The following SAMD5 variants were observed in gnomAD, a reference collection of about 807,000 sequenced individuals.
The protein encoded by SAMD5 is sterile alpha motif domain-containing protein 5.
Under a neutral mutation model 11.3 loss-of-function variants are expected in SAMD5, and 13 were observed. That is an observed-to-expected ratio of 1.15 (90% CI 0.75 to 1.83). SAMD5 has a LOEUF of 1.83. Ranked by LOEUF, SAMD5 falls within the 40% of genes most tolerant of loss-of-function variation. The pLI is 0.00. For missense variants in SAMD5, 255 were observed against 239.1 expected, an observed-to-expected ratio of 1.07 and a Z score of -0.44; for synonymous variants, 129 against 111.3, an observed-to-expected ratio of 1.16 and a Z score of -1.00.
At chr6:147,828,313 C>T in the SAMD5 span, among the ~76,000 whole-genome samples, 1 of 152,156 alleles carries the variant, frequency 6.6e-6, no homozygotes, top group African/African-American at 2.4e-5. Flanking sequence ...AACCTTGGCC[C>T]TGCCCTTGCA....
chr6:147,636,176 T>C (rs1790228023), intron 1 of SAMD5, among the ~76,000 whole-genome samples: 2 of 152,278 alleles, frequency 1.3e-5, no homozygotes, highest in Middle Eastern at 3.4e-3. Flanking sequence ...TAAAATCTGG[T>C]AAGTGCCCTA....
At chr6:147,934,001 C>A in the SAMD5 span, among the ~76,000 whole-genome samples, 1 of 152,148 alleles carries the variant, frequency 6.6e-6, no homozygotes, top group South Asian at 2.1e-4. Context: ...CTGGGCACGT[C>A]CTAATATAAG....
At chr6:147,601,483 T>TA (rs5880715) in intron 1 of SAMD5, among the ~76,000 whole-genome samples, 12,144 of 150,206 alleles carry the variant, frequency 0.081, 797 homozygotes, top group East Asian at 0.29. Flanking sequence ...ACTTGTGATT[T>TA]AAAAAAAAAA....
chr6:147,772,398 G>T, the SAMD5 span, among the ~76,000 whole-genome samples: 2 of 151,934 alleles, frequency 1.3e-5, no homozygotes, highest in Non-Finnish European at 2.9e-5. Flanking sequence ...ACATTTAAAT[G>T]CCTGAGCTCT....
At chr6:147,879,145 G>A in the SAMD5 span, among the ~76,000 whole-genome samples, 3 of 152,326 alleles carry the variant, frequency 2.0e-5, no homozygotes, top group South Asian at 6.2e-4. Flanking sequence ...GTAGAGTCAG[G>A]ACTGTTACTG....
At chr6:147,772,440 T>C in the SAMD5 span, among the ~76,000 whole-genome samples, 1 of 152,118 alleles carries the variant, frequency 6.6e-6, no homozygotes, top group Non-Finnish European at 1.5e-5. Context: ...TTTCAGGCTA[T>C]TAAATTTTCT....
At chr6:147,869,373 A>G in the SAMD5 span, among the ~76,000 whole-genome samples, 1 of 152,190 alleles carries the variant, frequency 6.6e-6, no homozygotes, top group African/African-American at 2.4e-5. Context: ...AAATGGGCAT[A>G]GATTTCAGGT....
the SAMD5 span, among the ~76,000 whole-genome samples, chr6:147,943,794 C>T: frequency 6.6e-6 from 1 of 152,162 alleles, no homozygotes; most frequent in East Asian, 1.9e-4. Context: ...TGCCCTCTCA[C>T]CTGCACCCCA....
At chr6:147,884,816 A>T in the SAMD5 span, among the ~76,000 whole-genome samples, 187 of 152,304 alleles carry the variant, frequency 1.2e-3, no homozygotes, top group African/African-American at 4.3e-3. Context: ...GAATTGAATG[A>T]CAGCACCTAA....
chr6:147,931,021 T>A, the SAMD5 span, among the ~76,000 whole-genome samples: 2 of 152,138 alleles, frequency 1.3e-5, no homozygotes, highest in Non-Finnish European at 2.9e-5. Flanking sequence ...TCCAGTCAAG[T>A]TGACAGCTAA....
chr6:147,831,880 A>G, the SAMD5 span, among the ~76,000 whole-genome samples: 105 of 152,328 alleles, frequency 6.9e-4, 3 homozygotes, highest in East Asian at 0.019. Flanking sequence ...TTGATTTGGT[A>G]GAATATCTGG....
intron 1 of SAMD5, among the ~76,000 whole-genome samples, chr6:147,621,870 C>T (rs1363945782): frequency 6.6e-6 from 1 of 151,918 alleles, no homozygotes; most frequent in African/African-American, 2.4e-5. Flanking sequence ...AGCCATGTGT[C>T]TTCAGCCTGT....
intron 1 of SAMD5, among the ~76,000 whole-genome samples, chr6:147,587,982 G>A (rs1038825918): frequency 2.7e-4 from 41 of 152,252 alleles, no homozygotes; most frequent in Non-Finnish European, 4.6e-4. Context: ...ATATGTCGTG[G>A]ATCTACTGTT....
At chr6:147,947,991 TC>T in the SAMD5 span, among the ~76,000 whole-genome samples, 1 of 151,960 alleles carries the variant, frequency 6.6e-6, no homozygotes, top group East Asian at 1.9e-4. Context: ...TCTGTTCTCC[TC>T]CTCCTGTGTC....
At chr6:147,691,660 C>T (rs899859413) in intron 1 of SAMD5, among the ~76,000 whole-genome samples, 3 of 152,142 alleles carry the variant, frequency 2.0e-5, no homozygotes, top group Admixed American at 6.5e-5. Context: ...GGCAGAAAGC[C>T]ACCAAAGCAA....
intron 1 of SAMD5, among the ~76,000 whole-genome samples, chr6:147,669,420 C>CTTTTTTTT (rs55877273): frequency 4.0e-5 from 3 of 74,516 alleles, no homozygotes; most frequent in African/African-American, 5.3e-5. Flanking sequence ...AGCTCCACTT[C>CTTTTTTTT]TTTTTTTTTT....
chr6:147,572,048 T>G (rs1789145558), downstream of SAMD5, among the ~76,000 whole-genome samples: 1 of 152,094 alleles, frequency 6.6e-6, no homozygotes, highest in Non-Finnish European at 1.5e-5. Flanking sequence ...ACTGGGTTTG[T>G]TCCCCACTTG....
intron 1 of SAMD5, among the ~76,000 whole-genome samples, chr6:147,688,111 G>T (rs1791044871): frequency 6.7e-6 from 1 of 148,262 alleles, no homozygotes; most frequent in African/African-American, 2.5e-5. Flanking sequence ...TGTCATTTTT[G>T]ACTCTTATTT....
At chr6:147,904,219 CA>C in the SAMD5 span, among the ~76,000 whole-genome samples, 6 of 152,190 alleles carry the variant, frequency 3.9e-5, no homozygotes, top group Non-Finnish European at 8.8e-5. Flanking sequence ...CTGCATTTAA[CA>C]GCCTCCTACG....
Sources: allele counts gnomAD v4.1 joint callset (sites outside exome capture counted in the v4.1 genomes callset), GRCh38; gene constraint gnomAD v4.1.1; transcripts MANE v1.5; gene names NCBI Gene and HGNC (gene_info 2026-07-23, HGNC 2026-07-21).